The following ARHGEF9 variants were observed in gnomAD, a reference collection of about 807,000 sequenced individuals.
ARHGEF9 encodes the protein Cdc42 guanine nucleotide exchange factor 9.
ARHGEF9 carries 2 observed loss-of-function variants against 41.3 expected under a neutral mutation model. The ratio of observed to expected loss-of-function variants is 0.05; its 90% CI spans 0.02 to 0.15. The LOEUF (loss-of-function observed/expected upper bound fraction) is 0.15. ARHGEF9 is among the 10% of genes least tolerant of loss of function. The pLI is 1.00. For missense variants in ARHGEF9, 225 were observed against 424.7 expected, an observed-to-expected ratio of 0.53 and a Z score of 4.13; for synonymous variants, 160 against 154.4, an observed-to-expected ratio of 1.04 and a Z score of -0.27.
intron 2 of ARHGEF9, among the ~76,000 whole-genome samples, chrX:63,708,214 C>T (rs2052684205): frequency 8.9e-6 from 1 of 111,867 alleles, no homozygotes; most frequent in Non-Finnish European, 1.9e-5. Context: ...GAAAACCTCA[C>T]CCTCTTAATA....
intron 1 of ARHGEF9, chrX:63,767,434 C>G: frequency 2.9e-6 from 1 of 346,726 alleles, no homozygotes; most frequent in Non-Finnish European, 5.3e-6. Context: ...GTTTATGGAT[C>G]TGATAAAATC....
Position 63,635,220 on chromosome X carries a change from C to T in ARHGEF9, c.*2808G>A, listed in dbSNP as rs2047256357. The stretch of plus-strand genomic sequence containing the variant: ...TAAAAGATCACTATTTGGCTTCACA[C>T]TAGAATTGTTAGAACTCTCTTGTTG... On this transcript the variant is annotated 3_prime_UTR_variant, in exon 10 of 10. Transcript: ENST00000671741. 1 of 399,565 alleles carries T rather than the reference C, an allele frequency of 2.5e-6. No individual in the cohort carries two copies. Among genetic ancestry groups the T allele is most frequent in the Admixed American group, 4.1e-5 (1 of 24,482 alleles). The allele number at this position is 399,565 out of a possible 1,213,427, so 32.9% of individuals were successfully genotyped here.
Position 63,655,552 on chromosome X carries a change from T to C in ARHGEF9, c.1263A>G (p.Ile421Met). ...LFFAKKLEEK[I>M]RWLRAFREER... ...CTTCTCTGAAAGCCCTGAGCCAGCG[T>C]ATTTTTTCCTCCAGCTTCTTGGCAA... The change falls in exon 8 of 10, where the codon ATA (isoleucine) becomes ATG (methionine). Residue 421 changes from isoleucine to methionine, a missense_variant. This residue lies in a region of ARHGEF9 where 75 missense variants were observed against 113.2 expected (regional missense o/e 0.66). Coordinates refer to ENST00000671741, the MANE Select transcript of ARHGEF9 (RefSeq NM_001353921.2). 1 of 1,211,632 alleles carries C rather than the reference T, an allele frequency of 8.3e-7. No homozygotes were observed. The highest frequency in any genetic ancestry group is 1.1e-6 in the Non-Finnish European group (1 of 895,337).
chrX:63,650,342 C>T lies in ARHGEF9; in HGVS notation c.1321+5152G>A, dbSNP rs73627856. 2.1e-3 allele frequency among the ~76,000 whole-genome samples: 231 copies of T among 111,277 alleles called. 1 individual carries two copies. The highest frequency in any genetic ancestry group is 7.2e-3 in the African/African-American group (222 of 30,784). ...CATATATACACGATGTTATATTATTCAGCCATAAAAAAATGAAATCCTGTC... is the reference window on the plus strand; with the variant it reads ...CATATATACACGATGTTATATTATTTAGCCATAAAAAAATGAAATCCTGTC... On this transcript the variant is annotated intron_variant, in intron 8 of 9. Transcript: ENST00000671741.
chrX:63,661,165 G>T lies in ARHGEF9; in HGVS notation c.1077+4721C>A, dbSNP rs190858920. On this transcript the variant is annotated intron_variant, in intron 7 of 9. Coordinates refer to ENST00000671741, the MANE Select transcript of ARHGEF9 (RefSeq NM_001353921.2). Reference sequence around the variant, plus strand: ...TTTCTGCTCCAGCCCCATCTCTGTTGCTATTATTGGATTTATAAGCTGTCC... The same window carrying T: ...TTTCTGCTCCAGCCCCATCTCTGTTTCTATTATTGGATTTATAAGCTGTCC... Among the ~76,000 whole-genome samples, 271 of 112,262 alleles carry T rather than the reference G, an allele frequency of 2.4e-3. 1 individual carries two copies. Among genetic ancestry groups the T allele is most frequent in the African/African-American group, 8.4e-3 (259 of 30,943 alleles).
chrX:63,778,326 G>T (rs1370059732), intron 1 of ARHGEF9, among the ~76,000 whole-genome samples: 1 of 112,140 alleles, frequency 8.9e-6, no homozygotes, highest in Non-Finnish European at 1.9e-5. Context: ...AGGTCACCAA[G>T]TCCCAAAACC....
At chrX:63,737,685 C>A (rs1272011587) in intron 1 of ARHGEF9, among the ~76,000 whole-genome samples, 2 of 112,401 alleles carry the variant, frequency 1.8e-5, no homozygotes, top group African/African-American at 6.5e-5. Flanking sequence ...AGTTGCACTT[C>A]TTCCATCTGC....
chrX:63,744,302 T>C (rs2055138475), intron 1 of ARHGEF9, among the ~76,000 whole-genome samples: 1 of 112,412 alleles, frequency 8.9e-6, no homozygotes, highest in Admixed American at 9.4e-5. Flanking sequence ...CCACAGTGGC[T>C]TGCACATCTT....
chrX:63,635,549 T>C lies in ARHGEF9; in HGVS notation c.*2479A>G. 6.5e-6 allele frequency: 3 copies of C among 462,346 alleles called. No homozygotes were observed. The highest frequency in any genetic ancestry group is 1.1e-5 in the Non-Finnish European group (3 of 262,575). 38.1% of individuals were successfully genotyped at this position (462,346 alleles called of 1,213,427 possible). A position where few individuals can be genotyped will look rare whatever the true frequency, so the allele number is the denominator to read the frequency against. On this transcript the variant is annotated 3_prime_UTR_variant, in exon 10 of 10. Coordinates refer to ENST00000671741, the MANE Select transcript of ARHGEF9 (RefSeq NM_001353921.2). The stretch of plus-strand genomic sequence containing the variant: ...GTTGGCCACTGGTCTGCTTTGATGC[T>C]ATAGGCTGAGGGAATACTCCAACCA...
At chrX:63,639,378 A>G (rs1353636774) in intron 9 of ARHGEF9, 2 of 112,092 alleles carry the variant, frequency 1.8e-5, no homozygotes, top group African/African-American at 6.5e-5. Context: ...ATTTTTTTTA[A>G]AAGCATTTAT....
chrX:63,660,529 C>T (rs782138164), intron 7 of ARHGEF9, among the ~76,000 whole-genome samples: 1 of 111,462 alleles, frequency 9.0e-6, no homozygotes, highest in South Asian at 3.8e-4. Context: ...AATATGCACC[C>T]CCTAAAGCTA....
intron 1 of ARHGEF9, among the ~76,000 whole-genome samples, chrX:63,774,058 T>TATC (rs1337789927): frequency 9.5e-6 from 1 of 105,653 alleles, no homozygotes; most frequent in Non-Finnish European, 1.9e-5. Context: ...TCTATCTATC[T>TATC]ATCTATCTAT....
intron 2 of ARHGEF9, among the ~76,000 whole-genome samples, chrX:63,722,581 T>C (rs2053699839): frequency 9.0e-6 from 1 of 110,962 alleles, no homozygotes; most frequent in African/African-American, 3.3e-5. Flanking sequence ...TCTGGCTCTG[T>C]CATTTGCTTC....
intron 2 of ARHGEF9, among the ~76,000 whole-genome samples, chrX:63,720,970 T>C (rs1372428044): frequency 8.9e-6 from 1 of 112,001 alleles, no homozygotes; most frequent in Non-Finnish European, 1.9e-5. Flanking sequence ...CAAGTCACTT[T>C]TGCTGTCTTT....
intron 8 of ARHGEF9, among the ~76,000 whole-genome samples, chrX:63,649,649 GA>G (rs1354587411): frequency 1.8e-5 from 2 of 111,436 alleles, no homozygotes; most frequent in Non-Finnish European, 3.8e-5. Flanking sequence ...ATGAATCCAG[GA>G]GCTGGTTTTT....
At chrX:63,646,773 A>G (rs1318463257) in intron 8 of ARHGEF9, among the ~76,000 whole-genome samples, 11 of 112,077 alleles carry the variant, frequency 9.8e-5, no homozygotes, top group African/African-American at 3.6e-4. Context: ...GAAGAAAGTC[A>G]TTGGTAGCTT....
At chrX:63,675,792 T>A (rs2050227104) in intron 5 of ARHGEF9, among the ~76,000 whole-genome samples, 1 of 111,519 alleles carries the variant, frequency 9.0e-6, no homozygotes, top group Non-Finnish European at 1.9e-5. Context: ...GCTGTTCTTT[T>A]CTGATTTGCA....
At chrX:63,759,750 C>T (rs1365089797) in intron 1 of ARHGEF9, among the ~76,000 whole-genome samples, 1 of 111,922 alleles carries the variant, frequency 8.9e-6, no homozygotes, top group East Asian at 2.8e-4. Flanking sequence ...TCTTTTAATC[C>T]TCACAACAAC....
At chrX:63,699,465 T>C (rs2147465814) in intron 3 of ARHGEF9, among the ~76,000 whole-genome samples, 1 of 111,750 alleles carries the variant, frequency 8.9e-6, no homozygotes, top group African/African-American at 3.3e-5. Context: ...AATTCAACAA[T>C]GATACTAGAA....
Sources: allele counts gnomAD v4.1 joint callset (sites outside exome capture counted in the v4.1 genomes callset), GRCh38; gene constraint gnomAD v4.1.1; regional missense constraint gnomAD v4.1.1; transcripts MANE v1.5; gene names NCBI Gene and HGNC (gene_info 2026-07-23, HGNC 2026-07-21).